The following MYT1L variants were observed in gnomAD, a reference collection of about 807,000 sequenced individuals.
The protein encoded by MYT1L is myelin transcription factor 1 like.
A neutral mutation model predicts 126.7 loss-of-function variants in MYT1L; 12 were observed. The observed-to-expected ratio is 0.09, with a 90% CI of 0.06 to 0.15. MYT1L has a LOEUF of 0.15. Among genes scored for constraint, MYT1L ranks in the 10% least tolerant of loss-of-function variants. MYT1L has a pLI of 1.00. For missense variants in MYT1L, 979 were observed against 1,585.2 expected (o/e 0.62, Z 6.49); for synonymous variants, 541 against 604.2 (o/e 0.90, Z 1.53).
intron 2 of MYT1L, among the ~76,000 whole-genome samples, chr2:2,220,484 C>G (rs2093826961): frequency 1.3e-5 from 2 of 152,048 alleles, no homozygotes; most frequent in Admixed American, 6.6e-5. Flanking sequence ...AGTGGCTGCC[C>G]TTAGAGACAA....
At chr2:1,838,635 G>T (rs986477095) in intron 21 of MYT1L, among the ~76,000 whole-genome samples, 1 of 152,110 alleles carries the variant, frequency 6.6e-6, no homozygotes, top group African/African-American at 2.4e-5. Context: ...GCACAGAACG[G>T]GCCTCTCCTA....
chr2:2,162,620 T>C (rs1367459809), intron 3 of MYT1L, among the ~76,000 whole-genome samples: 2 of 152,200 alleles, frequency 1.3e-5, no homozygotes, highest in Non-Finnish European at 2.9e-5. Context: ...CAAAGCGTGC[T>C]GCACGGTTTT....
At chr2:2,297,413 C>A (rs1486993626) in intron 1 of MYT1L, among the ~76,000 whole-genome samples, 1 of 152,224 alleles carries the variant, frequency 6.6e-6, no homozygotes, top group Non-Finnish European at 1.5e-5. Flanking sequence ...CCCAGGCCCA[C>A]CAGGAGGAGG....
intron 15 of MYT1L, among the ~76,000 whole-genome samples, chr2:1,890,172 C>T (rs551344250): frequency 7.2e-5 from 11 of 151,844 alleles, no homozygotes; most frequent in South Asian, 2.1e-4. Context: ...CAGGTTCAAG[C>T]AATTCTCCTG....
intron 1 of MYT1L, chr2:2,325,868 T>G (rs2096240864): frequency 6.6e-6 from 1 of 152,264 alleles, no homozygotes; most frequent in African/African-American, 2.4e-5. Context: ...ACCAAGAGAC[T>G]TTAGGAAGTG....
chr2:2,204,354 C>T (rs1470707517), intron 2 of MYT1L, among the ~76,000 whole-genome samples: 1 of 151,046 alleles, frequency 6.6e-6, no homozygotes, highest in African/African-American at 2.4e-5. Context: ...ATTTTTGCAA[C>T]CTACTCATCT....
intron 3 of MYT1L, among the ~76,000 whole-genome samples, chr2:2,103,190 C>T (rs1417292948): frequency 2.0e-5 from 3 of 152,166 alleles, no homozygotes; most frequent in Non-Finnish European, 4.4e-5. Context: ...ATATTCAGCG[C>T]TGCAACCATC....
intron 2 of MYT1L, among the ~76,000 whole-genome samples, chr2:2,206,196 TC>T (rs1375841648): frequency 1.3e-5 from 2 of 152,062 alleles, no homozygotes; most frequent in Non-Finnish European, 2.9e-5. Flanking sequence ...CAGGCTGGTT[TC>T]GAACTCCCGA....
At chr2:2,286,426 C>A (rs941465549) in intron 1 of MYT1L, among the ~76,000 whole-genome samples, 7 of 152,088 alleles carry the variant, frequency 4.6e-5, no homozygotes, top group African/African-American at 1.7e-4. Context: ...CATCTTAGAT[C>A]ATTTAAAATC....
chr2:1,929,438 C>A lies in MYT1L; in HGVS notation c.506-6175G>T, dbSNP rs138853486. ...GGTGAAAGGGGAACATGGAGGGTGACGCGGCATTGACAGTGGGATGCACGT... is the reference window on the plus strand; with the variant it reads ...GGTGAAAGGGGAACATGGAGGGTGAAGCGGCATTGACAGTGGGATGCACGT... On this transcript the variant is annotated intron_variant, in intron 9 of 24. Coordinates refer to ENST00000647738, the MANE Select transcript of MYT1L (RefSeq NM_001303052.2). The surrounding 1 kb of genome is among the most constrained non-coding windows in gnomAD (Gnocchi z 4.7). 6.6e-6 allele frequency among the ~76,000 whole-genome samples: 1 copy of A among 152,200 alleles called. No homozygotes were observed. The highest frequency in any genetic ancestry group is 6.5e-5 in the Admixed American group (1 of 15,278).
intron 2 of MYT1L, among the ~76,000 whole-genome samples, chr2:2,270,879 T>G (rs550963101): frequency 9.9e-5 from 15 of 152,122 alleles, no homozygotes; most frequent in African/African-American, 3.6e-4. Context: ...GACCTTCCTC[T>G]TTAAAAATCG....
chr2:1,937,787 C>T (rs536603138), intron 9 of MYT1L, among the ~76,000 whole-genome samples: 80 of 152,284 alleles, frequency 5.3e-4, no homozygotes, highest in African/African-American at 1.9e-3. Context: ...TCAGATCGCA[C>T]GTGGAGAAGG....
rs2060420700 is a variant in MYT1L at position 1,979,309 on chromosome 2, G to A, written c.90-82C>T. ...GCTTCCGTGGCAGCAGAGAGAAGGA[G>A]GGCGGCTCAGACAGAGGAGAGAAAT... On this transcript the variant is annotated intron_variant, in intron 7 of 24. Transcript: ENST00000647738. This position sits in a 1 kb window ranked among gnomAD's most constrained non-coding sequence, Gnocchi z 4.0. The A allele has an allele frequency of 3.8e-6, 5 of 1,317,204 alleles. No individual in the cohort carries two copies. In the Admixed American group the frequency reaches 9.2e-5, roughly 24 times the overall value. 81.6% of individuals were successfully genotyped at this position (1,317,204 alleles called of 1,614,324 possible). A position where few individuals can be genotyped will look rare whatever the true frequency, so the allele number is the denominator to read the frequency against.
At chr2:2,276,568 C>A (rs2095362245) in intron 2 of MYT1L, among the ~76,000 whole-genome samples, 1 of 152,114 alleles carries the variant, frequency 6.6e-6, no homozygotes, top group South Asian at 2.1e-4. Flanking sequence ...TCCACTTCAC[C>A]TTGGTCCTCC....
At position 2,222,389 on chromosome 2, in the gene MYT1L, G is replaced by A. The variant is rs564187596; in HGVS notation, c.-420-49401C>T. 2.3e-4 allele frequency among the ~76,000 whole-genome samples: 30 copies of A among 128,274 alleles called. 1 individual carries two copies. In the South Asian group the frequency reaches 5.1e-3, roughly 22 times the overall value. The allele number at this position is 128,274 out of a possible 152,430, so 84.2% of individuals were successfully genotyped here. On this transcript the variant is annotated intron_variant, in intron 2 of 24. Transcript: ENST00000647738. ...CACCCGTGATCCCAGCTACTTGGGA[G>A]GCTGAGGCAGGAGAATCACTTGAAC...
intron 9 of MYT1L, among the ~76,000 whole-genome samples, chr2:1,934,709 C>A (rs1161153003): frequency 6.7e-6 from 1 of 148,612 alleles, no homozygotes; most frequent in Non-Finnish European, 1.5e-5. Flanking sequence ...CTTCCCCCTA[C>A]CCCCTGTCTC....
intron 3 of MYT1L, among the ~76,000 whole-genome samples, chr2:2,080,960 A>G (rs1262454401): frequency 6.6e-6 from 1 of 152,222 alleles, no homozygotes; most frequent in East Asian, 1.9e-4. Flanking sequence ...GAATAGGCAA[A>G]TTCACAGAGA....
intron 8 of MYT1L, among the ~76,000 whole-genome samples, chr2:1,962,813 T>C (rs575342122): frequency 6.6e-6 from 1 of 152,228 alleles, no homozygotes; most frequent in Non-Finnish European, 1.5e-5. Context: ...CTAATTCCAG[T>C]TCTCTTGCTA....
At chr2:2,133,869 A>G (rs909321788) in intron 3 of MYT1L, among the ~76,000 whole-genome samples, 20 of 152,190 alleles carry the variant, frequency 1.3e-4, no homozygotes, top group African/African-American at 4.6e-4. Flanking sequence ...AATTGTACAA[A>G]TAAAGCAGAT....
Sources: gnomAD v4.1 joint callset for allele counts (sites outside exome capture counted in the v4.1 genomes callset) on GRCh38, gnomAD v4.1.1 for gene constraint, Gnocchi (gnomAD v3.1) non-coding constraint, MANE v1.5 for transcripts, NCBI Gene and HGNC (gene_info 2026-07-23, HGNC 2026-07-21) for gene names.